The following C12orf42 variants were observed in gnomAD, a reference collection of about 807,000 sequenced individuals.
C12orf42 encodes the protein uncharacterized protein C12orf42.
A neutral mutation model predicts 21.6 loss-of-function variants in C12orf42; 25 were observed. That is an observed-to-expected ratio of 1.16 (90% CI 0.84 to 1.62). The LOEUF (loss-of-function observed/expected upper bound fraction) is 1.62. Among genes scored for constraint, C12orf42 ranks in the 40% most tolerant of loss-of-function variants. The pLI, the probability that C12orf42 is intolerant of heterozygous loss-of-function variation, is 0.00. For missense variants in C12orf42, 483 were observed against 459.3 expected (o/e 1.05, Z -0.47); for synonymous variants, 174 against 175.0 (o/e 0.99, Z 0.05).
chr12:103,128,608 T>C, the C12orf42 span, among the ~76,000 whole-genome samples: 28 of 152,354 alleles, frequency 1.8e-4, 1 homozygote, highest in South Asian at 5.2e-3. Context: ...CTGTTCATCT[T>C]TAAAATGGGA....
chr12:103,468,761 G>A (rs1373558922), intron 2 of C12orf42, among the ~76,000 whole-genome samples: 1 of 151,896 alleles, frequency 6.6e-6, no homozygotes, highest in Admixed American at 6.6e-5. Context: ...TCACCCAAGT[G>A]CAAATTACCT....
At chr12:103,291,547 T>C (rs2036825112) in intron 4 of C12orf42, among the ~76,000 whole-genome samples, 1 of 152,194 alleles carries the variant, frequency 6.6e-6, no homozygotes. Context: ...GATAGCTGAC[T>C]AGCTATACTT....
chr12:103,117,768 T>G, the C12orf42 span, among the ~76,000 whole-genome samples: 1 of 152,224 alleles, frequency 6.6e-6, no homozygotes, highest in Non-Finnish European at 1.5e-5. Flanking sequence ...GATTCTGGAT[T>G]ATTATTTCCT....
chr12:103,113,284 A>T, the C12orf42 span, among the ~76,000 whole-genome samples: 4 of 152,198 alleles, frequency 2.6e-5, no homozygotes, highest in African/African-American at 9.7e-5. Context: ...GCGTCCTTCC[A>T]TCTTTAAAGG....
the C12orf42 span, among the ~76,000 whole-genome samples, chr12:103,063,386 G>A: frequency 6.6e-6 from 1 of 152,156 alleles, no homozygotes; most frequent in Non-Finnish European, 1.5e-5. Flanking sequence ...GTATTAAAGT[G>A]ACAGCATTGA....
Position 103,326,085 on chromosome 12 carries a change from A to G in C12orf42, c.260-19740T>C, listed in dbSNP as rs77804335. Among the ~76,000 whole-genome samples the G allele has an allele frequency of 0.011, 1,745 of 152,318 alleles. 97 individuals carry two copies. In the East Asian group the frequency reaches 0.19, roughly 17 times the overall value. ...AATTTAATTTCCTCACAACAATTTGATGAGGTTATCATTACCCTCCATTTT... is the reference window on the plus strand; with the variant it reads ...AATTTAATTTCCTCACAACAATTTGGTGAGGTTATCATTACCCTCCATTTT... On this transcript the variant is annotated intron_variant, in intron 4 of 5. Transcript: ENST00000548883.
At chr12:103,562,359 T>C in the C12orf42 span, among the ~76,000 whole-genome samples, 1 of 152,194 alleles carries the variant, frequency 6.6e-6, no homozygotes, top group South Asian at 2.1e-4. Flanking sequence ...CAATTGATCG[T>C]TTCCTGTATA....
the C12orf42 span, among the ~76,000 whole-genome samples, chr12:103,217,043 G>A: frequency 7.3e-5 from 11 of 151,712 alleles, no homozygotes; most frequent in African/African-American, 2.4e-4. Context: ...GGGTTTCACC[G>A]TGTTGGCGAG....
chr12:103,221,936 C>G, the C12orf42 span, among the ~76,000 whole-genome samples: 1 of 152,130 alleles, frequency 6.6e-6, no homozygotes, highest in Admixed American at 6.5e-5. Context: ...ACATAGTGTC[C>G]TGCAGTAAAG....
chr12:103,051,869 T>C, the C12orf42 span, among the ~76,000 whole-genome samples: 1 of 152,228 alleles, frequency 6.6e-6, no homozygotes, highest in African/African-American at 2.4e-5. Flanking sequence ...CTTTCTCTCC[T>C]GTTTCTTTGT....
chr12:103,468,726 G>GA (rs769543967), intron 2 of C12orf42, among the ~76,000 whole-genome samples: 115 of 139,316 alleles, frequency 8.3e-4, no homozygotes, highest in African/African-American at 1.1e-3. Flanking sequence ...TATGGGGAAA[G>GA]AAAAAAAAAA....
At chr12:103,391,196 G>A (rs1391469898) in intron 3 of C12orf42, among the ~76,000 whole-genome samples, 2 of 151,568 alleles carry the variant, frequency 1.3e-5, no homozygotes, top group Admixed American at 6.6e-5. Flanking sequence ...TTCACCTATT[G>A]ATGGCACTGA....
At chr12:103,210,963 TGACAAAGCGA>T in the C12orf42 span, among the ~76,000 whole-genome samples, 1 of 152,116 alleles carries the variant, frequency 6.6e-6, no homozygotes, top group Non-Finnish European at 1.5e-5. Context: ...CCAGCCCGGA[TGACAAAGCGA>T]GACTCCATCT....
At chr12:103,310,797 A>C (rs1468615749) in intron 4 of C12orf42, among the ~76,000 whole-genome samples, 1 of 152,258 alleles carries the variant, frequency 6.6e-6, no homozygotes, top group African/African-American at 2.4e-5. Flanking sequence ...AATGTCTACC[A>C]GAATTTGAAA....
the C12orf42 span, among the ~76,000 whole-genome samples, chr12:103,121,993 T>C: frequency 6.6e-6 from 1 of 152,224 alleles, no homozygotes. Context: ...GACATAGCCC[T>C]TGTCTCTGCT....
chr12:103,142,732 T>C, the C12orf42 span, among the ~76,000 whole-genome samples: 2 of 152,194 alleles, frequency 1.3e-5, no homozygotes, highest in African/African-American at 4.8e-5. Context: ...TCCATGTGAA[T>C]TTCTCTATAT....
intron 2 of C12orf42, among the ~76,000 whole-genome samples, chr12:103,457,714 T>G (rs1952402474): frequency 6.6e-6 from 1 of 152,200 alleles, no homozygotes; most frequent in South Asian, 2.1e-4. Context: ...GGACCTACAA[T>G]TTTGTATTAA....
At chr12:103,383,511 A>C (rs966464364) in intron 3 of C12orf42, among the ~76,000 whole-genome samples, 1 of 152,226 alleles carries the variant, frequency 6.6e-6, no homozygotes, top group African/African-American at 2.4e-5. Flanking sequence ...ATCATAAAGA[A>C]TGGTGCAATG....
chr12:103,354,653 A>T (rs2043369166), intron 4 of C12orf42, among the ~76,000 whole-genome samples: 1 of 152,172 alleles, frequency 6.6e-6, no homozygotes, highest in Non-Finnish European at 1.5e-5. Flanking sequence ...TGCATATAAA[A>T]TTATAGATAA....
Sources: allele counts gnomAD v4.1 joint callset (sites outside exome capture counted in the v4.1 genomes callset), GRCh38; gene constraint gnomAD v4.1.1; transcripts MANE v1.5; gene names NCBI Gene and HGNC (gene_info 2026-07-23, HGNC 2026-07-21).